Variants in MCC observed in about 807,000 individuals in gnomAD.
MCC encodes the protein colorectal mutant cancer protein.
MCC carries 90 observed loss-of-function variants against 116.2 expected under a neutral mutation model. That is an observed-to-expected ratio of 0.77 (90% CI 0.65 to 0.92). MCC has a LOEUF of 0.92. MCC is among the 40% of genes least tolerant of loss of function. MCC has a pLI of 0.00. For synonymous variants in MCC, 578 were observed against 510.5 expected (o/e 1.13, Z -1.78); for missense variants, 1,516 against 1,312.2 (o/e 1.16, Z -2.40).
chr5:113,121,619 C>T (rs1757740729), intron 6 of MCC, among the ~76,000 whole-genome samples: 1 of 152,226 alleles, frequency 6.6e-6, no homozygotes, highest in Non-Finnish European at 1.5e-5. Context: ...TCTCATAGTA[C>T]TGTGTTCCAT....
At chr5:113,342,336 C>T (rs1278925629) in intron 2 of MCC, among the ~76,000 whole-genome samples, 1 of 152,180 alleles carries the variant, frequency 6.6e-6, no homozygotes, top group African/African-American at 2.4e-5. Flanking sequence ...AATGACACTT[C>T]CCTCTGGGTA....
Position 113,049,250 on chromosome 5 carries a change from TTC to T in MCC, c.2496_2497del (p.Lys833GlufsTer22), listed in dbSNP as rs1352445948. 1 of 1,612,496 alleles carries T rather than the reference TTC, an allele frequency of 6.2e-7. No homozygotes were observed. Among genetic ancestry groups the T allele is most frequent in the Non-Finnish European group, 8.5e-7 (1 of 1,179,368 alleles). ...GCTCAGCTTCAGCTCCAGGGCCTTC[TTC>T]TCTTTCTCCAGTAGGTAGAGCTGGG... On this transcript the variant is annotated frameshift_variant, in exon 16 of 19. Coordinates refer to ENST00000408903, the MANE Select transcript of MCC (RefSeq NM_001085377.2). LOFTEE classifies it high-confidence loss of function.
chr5:113,482,581 C>G (rs902085017), intron 1 of MCC, among the ~76,000 whole-genome samples: 2 of 152,038 alleles, frequency 1.3e-5, no homozygotes, highest in African/African-American at 4.8e-5. Flanking sequence ...CTATTCAGAT[C>G]CTTTGTCCAT....
chr5:113,238,724 T>G (rs762743583), intron 3 of MCC, among the ~76,000 whole-genome samples: 1 of 152,248 alleles, frequency 6.6e-6, no homozygotes, highest in South Asian at 2.1e-4. Flanking sequence ...GTGGAAAGAC[T>G]GCAATTCCAT....
chr5:113,127,680 G>A (rs2197280), intron 5 of MCC, among the ~76,000 whole-genome samples: 103,987 of 151,696 alleles, frequency 0.69, 35,832 homozygotes, highest in East Asian at 0.88. Context: ...TCCTTTGCCC[G>A]CCTTTTAATG....
At chr5:113,198,584 G>T (rs532034374) in intron 3 of MCC, among the ~76,000 whole-genome samples, 1 of 151,208 alleles carries the variant, frequency 6.6e-6, no homozygotes, top group East Asian at 1.9e-4. Context: ...TGCACCTGTG[G>T]TCCCAGCTAC....
chr5:113,369,716 C>T (rs557762949), intron 2 of MCC, among the ~76,000 whole-genome samples: 1 of 152,226 alleles, frequency 6.6e-6, no homozygotes, highest in Admixed American at 6.5e-5. Context: ...GTCTGTTGGG[C>T]CCAATTTAGG....
intron 1 of MCC, among the ~76,000 whole-genome samples, chr5:113,478,540 G>A (rs555951749): frequency 5.3e-5 from 8 of 152,324 alleles, no homozygotes; most frequent in Non-Finnish European, 1.0e-4. Flanking sequence ...TAAGGGAGGA[G>A]CAGCCTGGGG....
At chr5:113,401,666 G>A (rs1166775681) in intron 1 of MCC, among the ~76,000 whole-genome samples, 2 of 152,004 alleles carry the variant, frequency 1.3e-5, no homozygotes, top group African/African-American at 2.4e-5. Flanking sequence ...TGTTCCCAAT[G>A]TTTATTTTGG....
At chr5:113,473,215 G>A (rs1046795279) in intron 1 of MCC, among the ~76,000 whole-genome samples, 7 of 152,078 alleles carry the variant, frequency 4.6e-5, no homozygotes, top group African/African-American at 1.7e-4. Context: ...TAACTTTTAT[G>A]TACCTTGGAG....
intron 1 of MCC, among the ~76,000 whole-genome samples, chr5:113,408,329 T>A (rs1376510710): frequency 2.6e-5 from 4 of 152,158 alleles, no homozygotes; most frequent in Non-Finnish European, 4.4e-5. Flanking sequence ...CTAATTTCCA[T>A]GTTTGTTCTA....
chr5:113,118,845 CT>C (rs775217150), intron 6 of MCC, among the ~76,000 whole-genome samples: 2 of 152,210 alleles, frequency 1.3e-5, no homozygotes, highest in Non-Finnish European at 2.9e-5. Context: ...TAATGAACTC[CT>C]CCTTGTTGTG....
In MCC at chr5:113,276,050, G is replaced by A. The variant is rs545697359; in HGVS notation, c.627+64469C>T. Among the ~76,000 whole-genome samples, 7 of 150,432 alleles carry A rather than the reference G, an allele frequency of 4.7e-5. No individual in the cohort carries two copies. The East Asian group carries it at 1.4e-3, about 29-fold the overall frequency. ...GGATGGGCTGTCAAAGGCCACAGGT[G>A]GCAAGAATCTCAAGGCCACAGTGGC... On this transcript the variant is annotated intron_variant, in intron 3 of 18. Coordinates refer to ENST00000408903, the MANE Select transcript of MCC (RefSeq NM_001085377.2).
chr5:113,190,941 G>C (rs1246154924), intron 3 of MCC, among the ~76,000 whole-genome samples: 4 of 152,228 alleles, frequency 2.6e-5, no homozygotes, highest in Non-Finnish European at 5.9e-5. Context: ...AAGTGGGCAA[G>C]GAAGATGGAG....
At chr5:113,129,340 T>C (rs1181027051) in intron 5 of MCC, among the ~76,000 whole-genome samples, 1 of 152,082 alleles carries the variant, frequency 6.6e-6, no homozygotes, top group Non-Finnish European at 1.5e-5. Flanking sequence ...AAGAGACCAA[T>C]GACAAAAAAA....
chr5:113,196,549 T>C (rs1762418280), intron 3 of MCC, among the ~76,000 whole-genome samples: 2 of 152,206 alleles, frequency 1.3e-5, no homozygotes, highest in Admixed American at 1.3e-4. Flanking sequence ...TACTTACCAA[T>C]GTTAATTTAA....
intron 6 of MCC, among the ~76,000 whole-genome samples, chr5:113,108,479 C>G (rs1246097261): frequency 6.6e-6 from 1 of 151,536 alleles, no homozygotes; most frequent in Middle Eastern, 3.2e-3. Context: ...ATAGTGAAAC[C>G]CTGTCTCTAC....
chr5:113,053,707 GACC>G lies in MCC; in HGVS notation c.2448+15_2448+17del. The G allele has an allele frequency of 6.3e-7, 1 of 1,576,052 alleles. No homozygotes were observed. The highest frequency in any genetic ancestry group is 8.7e-7 in the Non-Finnish European group (1 of 1,147,560). On this transcript the variant is annotated intron_variant, in intron 15 of 18. Transcript: ENST00000408903. The stretch of plus-strand genomic sequence containing the variant: ...CTCCTGGTGGCAGCCTAGCACATGG[GACC>G]CACCCACCACATACCTTCATGGCCA...
chr5:113,437,237 G>A (rs1770890205), intron 1 of MCC: 1 of 152,158 alleles, frequency 6.6e-6, no homozygotes, highest in Non-Finnish European at 1.5e-5. Context: ...GGAAAGATAA[G>A]CAGAGGCAAA....
Sources: gnomAD v4.1 joint callset for allele counts (sites outside exome capture counted in the v4.1 genomes callset) on GRCh38, gnomAD v4.1.1 for gene constraint, MANE v1.5 for transcripts, NCBI Gene and HGNC (gene_info 2026-07-23, HGNC 2026-07-21) for gene names.